ATP2A2: variants seen among roughly 807,000 people sequenced by gnomAD.
ATP2A2 encodes the protein sarcoplasmic/endoplasmic reticulum calcium ATPase 2.
ATP2A2 carries 14 observed loss-of-function variants against 109.3 expected under a neutral mutation model. The observed-to-expected ratio is 0.13, with a 90% confidence interval of 0.08 to 0.20. The LOEUF (loss-of-function observed/expected upper bound fraction) is 0.20, where lower values mean the gene tolerates loss of function less well. Ranked by LOEUF, ATP2A2 falls within the 10% of genes least tolerant of loss-of-function variation. The pLI is 1.00. For missense variants in ATP2A2, 657 were observed against 1,321.6 expected (o/e 0.50, Z 7.80); for synonymous variants, 506 against 490.9 (o/e 1.03, Z -0.41).
At position 110,339,626 on chromosome 12, in the gene ATP2A2, G is replaced by A. The variant is rs931399409; in HGVS notation, c.1666G>A (p.Asp556Asn). The A allele has an allele frequency of 7.4e-6, 12 of 1,614,108 alleles. No homozygotes were observed. The highest frequency in any genetic ancestry group is 1.1e-5 in the South Asian group (1 of 91,078). The change falls in exon 13 of 20, where the codon GAC becomes AAC. Residue 556 changes from aspartate (D) to asparagine (N), a missense_variant. Transcript: ENST00000539276. This position sits in a 1 kb window ranked among gnomAD's most constrained non-coding sequence, Gnocchi z 4.4. The part of the protein sequence containing the change: ...SVIREWGSGS[D>N]TLRCLALATH... ...CATTCGAGAGTGGGGTAGTGGCAGC[G>A]ACACACTGCGATGCCTGGCCCTGGC...
chr12:110,326,483 C>G lies in ATP2A2; in HGVS notation c.630+8C>G, dbSNP rs1458977160. 2.1e-5 allele frequency: 34 copies of G among 1,604,206 alleles called. No individual in the cohort carries two copies. The highest frequency in any genetic ancestry group is 2.8e-5 in the Non-Finnish European group (33 of 1,171,780). On this transcript the variant is annotated splice_region_variant and intron_variant, in intron 7 of 19. Transcript: ENST00000539276. ...AAGAACATGCTGTTTTCTGTAAGTA[C>G]TTTATGAAATGTGTTTTTATTTACA... is the stretch of plus-strand genomic sequence containing the variant.
At chr12:110,305,900 CTG>C (rs1487501403) in intron 5 of ATP2A2, among the ~76,000 whole-genome samples, 1 of 146,052 alleles carries the variant, frequency 6.8e-6, no homozygotes, top group Non-Finnish European at 1.5e-5. Flanking sequence ...TTTTTAAGGT[CTG>C]TCATTTCTTT....
At chr12:110,287,672 T>G (rs1450922690) in intron 3 of ATP2A2, among the ~76,000 whole-genome samples, 1 of 152,154 alleles carries the variant, frequency 6.6e-6, no homozygotes, top group East Asian at 1.9e-4. Context: ...TGGAGTGCAG[T>G]GGTGCGATCT....
chr12:110,289,689 T>A (rs1873056997), intron 3 of ATP2A2, among the ~76,000 whole-genome samples: 1 of 152,210 alleles, frequency 6.6e-6, no homozygotes, highest in African/African-American at 2.4e-5. Flanking sequence ...GTAGATCTTT[T>A]AAAGAAGATT....
chr12:110,328,087 A>G, intron 8 of ATP2A2, 70 bp downstream of exon 8: 1 of 1,472,480 alleles, frequency 6.8e-7, no homozygotes, highest in Non-Finnish European at 9.4e-7. Context: ...CCTTCATGCC[A>G]TCAAAACTTT....
intron 3 of ATP2A2, 49 bp from the exon 4 acceptor site, chr12:110,291,971 T>G: frequency 1.0e-5 from 16 of 1,530,894 alleles, no homozygotes; most frequent in Non-Finnish European, 1.4e-5. Flanking sequence ...TTTAAAAAAG[T>G]GACATTAAGC....
chr12:110,301,960 A>G (rs1309678025), intron 5 of ATP2A2, among the ~76,000 whole-genome samples: 2 of 152,128 alleles, frequency 1.3e-5, no homozygotes, highest in African/African-American at 4.8e-5. Flanking sequence ...TTTGATTATT[A>G]CCCTGACCTA....
intron 3 of ATP2A2, among the ~76,000 whole-genome samples, chr12:110,285,481 G>A (rs1872567556): frequency 6.6e-6 from 1 of 152,098 alleles, no homozygotes; most frequent in East Asian, 1.9e-4. Context: ...TATTTATTGA[G>A]CACCTGTCAC....
In ATP2A2 at chr12:110,305,871, G is replaced by GT. The variant is rs796817073; in HGVS notation, c.463+9144dup. On this transcript the variant is annotated intron_variant, in intron 5 of 19. Transcript: ENST00000539276. ...TGGATCCATGAGCATAGGGATGTCTGTTTTTTTTTTGTTTTTTTTTTTTAA... is the reference window on the plus strand; with the variant it reads ...TGGATCCATGAGCATAGGGATGTCTGTTTTTTTTTTTGTTTTTTTTTTTTAA... Among the ~76,000 whole-genome samples, 1,062 of 139,110 alleles carry GT rather than the reference G, an allele frequency of 7.6e-3. 6 individuals are homozygous for GT. The highest frequency in any genetic ancestry group is 0.011 in the Non-Finnish European group (688 of 63,486). The allele number at this position is 139,110 out of a possible 152,430, so 91.3% of individuals were successfully genotyped here. A position where few individuals can be genotyped will look rare whatever the true frequency, so the allele number is the denominator to read the frequency against.
In ATP2A2 at chr12:110,346,779, A is replaced by G; in HGVS notation, c.*309A>G. 1 of 1,171,810 alleles carries G rather than the reference A, an allele frequency of 8.5e-7. No homozygotes were observed. The allele number at this position is 1,171,810 out of a possible 1,614,324, so 72.6% of individuals were successfully genotyped here. ...CATCCTTGTATAAAAAAAATAGTTGAGCCAGCAGACATTGTCAGCAAATTA... is the reference window on the plus strand; with the variant it reads ...CATCCTTGTATAAAAAAAATAGTTGGGCCAGCAGACATTGTCAGCAAATTA... On this transcript the variant is annotated 3_prime_UTR_variant, in exon 20 of 20. Transcript: ENST00000539276.
chr12:110,309,140 ATTTTTTTTTTTTTTTTTTTTTTT>A (rs10665212), intron 5 of ATP2A2, among the ~76,000 whole-genome samples: 1 of 48,888 alleles, frequency 2.0e-5, no homozygotes, highest in Admixed American at 3.5e-4. Flanking sequence ...AAGGAAACTA[ATTTTTTTTTTTTTTTTTTTTTTT>A]TTTTTTTTTT....
chr12:110,345,037 GT>G, intron 17 of ATP2A2, 66 bp downstream of exon 17: 1 of 1,554,766 alleles, frequency 6.4e-7, no homozygotes. Context: ...CCTTTCTGTG[GT>G]TTCGGTATCT....
Position 110,349,853 on chromosome 12 carries a change from G to A in ATP2A2, c.*3383G>A. 9.5e-7 allele frequency: 1 copy of A among 1,052,886 alleles called. No homozygotes were observed. The highest frequency in any genetic ancestry group is 1.1e-6 in the Non-Finnish European group (1 of 870,980). 65.2% of individuals were successfully genotyped at this position (1,052,886 alleles called of 1,614,324 possible). A position where few individuals can be genotyped will look rare whatever the true frequency, so the allele number is the denominator to read the frequency against. ...GATGCGGAGGAGTTTCCTCTCCAGG[G>A]CTAGGCAAGGCAGGCGAGCAGCCAG... On this transcript the variant is annotated 3_prime_UTR_variant, in exon 20 of 20. Transcript: ENST00000539276.
chr12:110,332,396 G>A, intron 8 of ATP2A2: 3 of 599,118 alleles, frequency 5.0e-6, no homozygotes, highest in African/African-American at 1.8e-5. Context: ...TGTGATGGGC[G>A]AAGCAGTCTA....
Position 110,340,264 on chromosome 12 carries a change from C to T in ATP2A2, c.1762-395C>T, listed in dbSNP as rs1592860290. Among the ~76,000 whole-genome samples the T allele has an allele frequency of 1.3e-5, 2 of 152,114 alleles. No homozygotes were observed. Among genetic ancestry groups the T allele is most frequent in the East Asian group, 3.9e-4 (2 of 5,188 alleles). On this transcript the variant is annotated intron_variant, in intron 13 of 19. Transcript: ENST00000539276. This position sits in a 1 kb window ranked among gnomAD's most constrained non-coding sequence, Gnocchi z 6.0. Reference sequence around the variant, plus strand: ...AAGAAAATGCAAAAACCGCCAGGCACGGTGGCTCAAATGCCTGTAATCTCA... The same window carrying T: ...AAGAAAATGCAAAAACCGCCAGGCATGGTGGCTCAAATGCCTGTAATCTCA...
At position 110,326,383 on chromosome 12, in the gene ATP2A2, C is replaced by T. The variant is rs369585470; in HGVS notation, c.545-7C>T. 280 of 1,613,210 alleles carry T rather than the reference C, an allele frequency of 1.7e-4. No individual in the cohort carries two copies. Among genetic ancestry groups the T allele is most frequent in the Admixed American group, 1.5e-3 (88 of 59,934 alleles). The stretch of plus-strand genomic sequence containing the variant: ...GATCTGTTTTTTCTGTCTCACAACC[C>T]GCTTAGGTGAATCTGTCTCTGTCAT... On this transcript the variant is annotated splice_region_variant and splice_polypyrimidine_tract_variant and intron_variant, in intron 6 of 19. Transcript: ENST00000539276.
intron 11 of ATP2A2, among the ~76,000 whole-genome samples, chr12:110,336,166 G>A (rs1029609440): frequency 3.3e-5 from 5 of 152,176 alleles, no homozygotes; most frequent in African/African-American, 9.7e-5. Flanking sequence ...TCACCATGGG[G>A]CTGCCAGTCA....
chr12:110,346,295 T>C lies in ATP2A2; in HGVS notation c.2954T>C (p.Phe985Ser), dbSNP rs1879849066. ...PVILMDETLKFVARNYLEPGK... is the reference protein window; with the variant it reads ...PVILMDETLKSVARNYLEPGK... ...ATTCTCATGGATGAGACGCTCAAGT[T>C]TGTGGCCCGCAACTACCTGGAACCT... Residue 985 changes from phenylalanine to serine, a missense_variant, in exon 20 of 20, where the codon TTT becomes TCT. Physicochemically the swap from Phe to Ser is radical, Grantham distance 155 (BLOSUM62 -2). Transcript: ENST00000539276. The C allele has an allele frequency of 3.1e-6, 5 of 1,614,110 alleles. No individual in the cohort carries two copies. The highest frequency in any genetic ancestry group is 1.1e-5 in the South Asian group (1 of 91,074).
rs1880332739 is a variant in ATP2A2, at chr12:110,350,904, CAGT to C, written c.*4437_*4439del. ...GTAACTTATTTAATGAAATCAGAAGCAGTAGACAGATGTTGGTGCAATACAAAT... is the reference window on the plus strand; with the variant it reads ...GTAACTTATTTAATGAAATCAGAAGCAGACAGATGTTGGTGCAATACAAAT... On this transcript the variant is annotated 3_prime_UTR_variant, in exon 20 of 20. Transcript: ENST00000539276. 1 of 154,450 alleles carries C rather than the reference CAGT, an allele frequency of 6.5e-6. No homozygotes were observed. Among genetic ancestry groups the C allele is most frequent in the Admixed American group, 6.3e-5 (1 of 15,820 alleles). 9.6% of individuals were successfully genotyped at this position (154,450 alleles called of 1,614,324 possible).
Sources: allele counts gnomAD v4.1 joint callset (sites outside exome capture counted in the v4.1 genomes callset), GRCh38; gene constraint gnomAD v4.1.1; non-coding constraint Gnocchi (gnomAD v3.1); transcripts MANE v1.5; gene names NCBI Gene and HGNC (gene_info 2026-07-23, HGNC 2026-07-21).